Variants in STK11IP observed in about 807,000 individuals in gnomAD.
STK11IP encodes the protein serine/threonine-protein kinase 11-interacting protein.
In STK11IP, 103 loss-of-function variants were observed where a neutral mutation model predicts 131.7. The observed-to-expected ratio is 0.78, with a 90% CI of 0.67 to 0.92. The LOEUF (loss-of-function observed/expected upper bound fraction) is 0.92. STK11IP is among the 40% of genes least tolerant of loss of function. The pLI is 0.00. For synonymous variants in STK11IP, 557 were observed against 575.6 expected (o/e 0.97, Z 0.46); for missense variants, 1,315 against 1,385.7 (o/e 0.95, Z 0.81).
intron 18 of STK11IP, 52 bp from the exon 19 acceptor site, chr2:219,611,903 A>G (rs1472743336): frequency 3.8e-6 from 6 of 1,574,668 alleles, no homozygotes; most frequent in Admixed American, 3.7e-5. Context: ...GGAGGTGGAG[A>G]TGGAGCCCAG....
At chr2:219,597,966 G>A (rs1284582191) in intron 1 of STK11IP, 43 bp downstream of exon 1, 1 of 1,608,972 alleles carries the variant, frequency 6.2e-7, no homozygotes, top group Admixed American at 1.7e-5. Context: ...GGGCGGCCAG[G>A]AGGATGCTCT....
At chr2:219,606,111 C>G (rs892290704) in intron 9 of STK11IP, 52 bp downstream of exon 9, 9 of 1,547,280 alleles carry the variant, frequency 5.8e-6, no homozygotes, top group Non-Finnish European at 7.9e-6. Flanking sequence ...ACGTACCCCC[C>G]CATGCTGGTT....
intron 2 of STK11IP, 30 bp from the exon 3 acceptor site, chr2:219,601,205 C>G (rs762614561): frequency 8.2e-6 from 13 of 1,576,150 alleles, no homozygotes; most frequent in Non-Finnish European, 1.1e-5. Context: ...TTCACTGTGT[C>G]TTCCCTCCTG....
At chr2:219,601,601 T>C (rs773065149) in intron 3 of STK11IP, 40 bp from the exon 4 acceptor site, 5 of 1,557,132 alleles carry the variant, frequency 3.2e-6, no homozygotes, top group Non-Finnish European at 4.3e-6. Context: ...CAGGAAGATC[T>C]GCTGTGCCTC....
At chr2:219,611,249 T>C (rs986998754) in intron 17 of STK11IP, among the ~76,000 whole-genome samples, 1 of 152,218 alleles carries the variant, frequency 6.6e-6, no homozygotes, top group Non-Finnish European at 1.5e-5. Context: ...TTTTGGTCTT[T>C]CAGACGTTGC....
chr2:219,608,910 G>T, intron 15 of STK11IP, 122 bp downstream of exon 15: 1 of 1,231,462 alleles, frequency 8.1e-7, no homozygotes, highest in South Asian at 1.5e-5. Flanking sequence ...GAGGAGGGGA[G>T]CCTCAGAGGT....
At chr2:219,604,697 A>G (rs1203342056) in intron 7 of STK11IP, among the ~76,000 whole-genome samples, 1 of 152,206 alleles carries the variant, frequency 6.6e-6, no homozygotes, top group Non-Finnish European at 1.5e-5. Context: ...TGGAATGAGG[A>G]TAGCAGTGGC....
intron 11 of STK11IP, 27 bp from the exon 12 acceptor site, chr2:219,606,681 CCTCT>C (rs1698175456): frequency 1.3e-6 from 2 of 1,597,046 alleles, no homozygotes; most frequent in Non-Finnish European, 1.7e-6. Context: ...CAGGCTCCAA[CCTCT>C]CTCTCCTTCC....
At chr2:219,599,833 G>A (rs1385489125) in intron 2 of STK11IP, among the ~76,000 whole-genome samples, 9 of 149,496 alleles carry the variant, frequency 6.0e-5, no homozygotes, top group Non-Finnish European at 1.2e-4. Context: ...TCCCTCCCAG[G>A]TTGAAGTGAT....
In STK11IP at chr2:219,602,770, C is replaced by G. The variant is rs1428779394; in HGVS notation, c.612C>G (p.Phe204Leu). 1.9e-6 allele frequency: 3 copies of G among 1,611,146 alleles called. No individual in the cohort carries two copies. The East Asian group carries it at 6.7e-5, about 36-fold the overall frequency. ...ATCAAGTCCAGGACTGTCAGGGATTCCTGATGGTGAGTATGGGCAGTTTGG... is the reference window on the plus strand; with the variant it reads ...ATCAAGTCCAGGACTGTCAGGGATTGCTGATGGTGAGTATGGGCAGTTTGG... ...SHNQVQDCQG[F>L]LMDLCELHHL... is the part of the protein sequence containing the mutation. Residue 204 changes from phenylalanine (F) to leucine (L), a missense_variant, in exon 7 of 25, where the codon TTC becomes TTG. Coordinates refer to ENST00000456909, the MANE Select transcript of STK11IP (RefSeq NM_052902.4).
intron 7 of STK11IP, among the ~76,000 whole-genome samples, chr2:219,603,695 AT>A (rs1327570315): frequency 1.3e-5 from 2 of 149,996 alleles, no homozygotes; most frequent in Non-Finnish European, 3.0e-5. Flanking sequence ...TAATTTTTGT[AT>A]TTTTTAGTAG....
chr2:219,608,224 C>T lies in STK11IP; in HGVS notation c.1397C>T (p.Ala466Val), dbSNP rs897088128. The change falls in exon 14 of 25, where the codon GCA (alanine) becomes GTA (valine). Residue 466 changes from alanine to valine, a missense_variant. Transcript: ENST00000456909. ...PPASSQGPDTAPRPSPPQEEA... is the reference protein window; with the variant it reads ...PPASSQGPDTVPRPSPPQEEA... ...GCCAGCTCCCAGGGCCCCGACACTGCACCCAGACCTTCACCCCCGCAGGAG... is the reference window on the plus strand; with the variant it reads ...GCCAGCTCCCAGGGCCCCGACACTGTACCCAGACCTTCACCCCCGCAGGAG... 2 of 1,613,542 alleles carry T rather than the reference C, an allele frequency of 1.2e-6. No homozygotes were observed. Among genetic ancestry groups the T allele is most frequent in the African/African-American group, 2.7e-5 (2 of 74,932 alleles).
chr2:219,616,366 G>C lies in STK11IP; in HGVS notation c.*173G>C. ...TAAGGGAGAGGCGAGAGAATGATCT[G>C]GCCTCAGGGGACAGGCCACCTGGTC... On this transcript the variant is annotated 3_prime_UTR_variant, in exon 25 of 25. Coordinates refer to ENST00000456909, the MANE Select transcript of STK11IP (RefSeq NM_052902.4). 1.2e-6 allele frequency: 1 copy of C among 802,242 alleles called. No homozygotes were observed. Among genetic ancestry groups the C allele is most frequent in the Non-Finnish European group, 1.9e-6 (1 of 529,218 alleles). The allele number at this position is 802,242 out of a possible 1,614,324, so 49.7% of individuals were successfully genotyped here.
Position 219,613,798 on chromosome 2 carries a change from C to A in STK11IP, c.2584C>A (p.Gln862Lys). The change falls in exon 21 of 25, where the codon CAG (glutamine) becomes AAG (lysine). Residue 862 changes from glutamine to lysine, a missense_variant. Gln to Lys is a moderately conservative substitution (Grantham distance 53). Transcript: ENST00000456909. The stretch of plus-strand genomic sequence containing the variant: ...GCAGCTGACCCTGGCTGTTCCCCTG[C>A]AGGATCTGAGTGGCATAGAGCTGGG... ...WLQLTLAVPL[Q>K]DLSGIELGLA... 1 of 1,612,368 alleles carries A rather than the reference C, an allele frequency of 6.2e-7. No individual in the cohort carries two copies. Among genetic ancestry groups the A allele is most frequent in the Non-Finnish European group, 8.5e-7 (1 of 1,179,668 alleles).
intron 13 of STK11IP, 133 bp from the exon 14 acceptor site, chr2:219,607,914 C>A: frequency 8.3e-7 from 1 of 1,202,430 alleles, no homozygotes; most frequent in Non-Finnish European, 1.1e-6. Flanking sequence ...GCGGAGGGGA[C>A]GCCTGTAGCC....
rs190706143 is a variant in STK11IP at position 219,606,762 on chromosome 2, A to G, written c.1038A>G (p.Pro346=). 1.6e-3 allele frequency: 2,622 copies of G among 1,613,664 alleles called. 27 individuals carry two copies. The African/African-American group carries it at 0.021, about 13-fold the overall frequency. Residue 346 remains proline, a synonymous_variant, in exon 12 of 25, where the codon CCA becomes CCG. Coordinates refer to ENST00000456909, the MANE Select transcript of STK11IP (RefSeq NM_052902.4). ...LSPMGPPLPW[P]VGSTPETSGG... is the part of the protein sequence containing the mutation. ...CCATGGGCCCACCTTTGCCCTGGCC[A>G]GTGGGGAGTACTCCTGAAACCTCAG...
At chr2:219,614,922 G>C in intron 23 of STK11IP, 172 bp from the exon 24 acceptor site, 1 of 758,396 alleles carries the variant, frequency 1.3e-6, no homozygotes, top group East Asian at 2.7e-5. Context: ...TTCCAGAGTA[G>C]AGATTCATGG....
rs537096313 is a variant in STK11IP at position 219,606,422 on chromosome 2, G to A, written c.946-54G>A. On this transcript the variant is annotated intron_variant, in intron 10 of 24. Transcript: ENST00000456909. ...GCTTACTGTGTTCTTAATACCTGGAGCTCAGCAGGATGGGCCTACCACATA... is the reference window on the plus strand; with the variant it reads ...GCTTACTGTGTTCTTAATACCTGGAACTCAGCAGGATGGGCCTACCACATA... The A allele has an allele frequency of 5.0e-6, 8 of 1,585,414 alleles. No individual in the cohort carries two copies. In the East Asian group the frequency reaches 1.6e-4, roughly 32 times the overall value.
intron 7 of STK11IP, among the ~76,000 whole-genome samples, chr2:219,603,073 GCT>G (rs1698043877): frequency 8.0e-6 from 1 of 125,650 alleles, no homozygotes; most frequent in Non-Finnish European, 1.6e-5. Flanking sequence ...ATGGAGTCTC[GCT>G]CTGTCACCCA....
Sources: gnomAD v4.1 joint callset for allele counts (sites outside exome capture counted in the v4.1 genomes callset) on GRCh38, gnomAD v4.1.1 for gene constraint, MANE v1.5 for transcripts, NCBI Gene and HGNC (gene_info 2026-07-23, HGNC 2026-07-21) for gene names.